MUC5AC: variants seen among roughly 807,000 people sequenced by gnomAD.
The protein encoded by MUC5AC is mucin-5AC.
Under a neutral mutation model 169.7 loss-of-function variants are expected in MUC5AC, and 158 were observed. The observed-to-expected ratio is 0.93, with a 90% CI of 0.82 to 1.06. MUC5AC has a LOEUF of 1.06. Ranked by LOEUF, MUC5AC falls within the 50% of genes least tolerant of loss-of-function variation. MUC5AC has a pLI of 0.00. For synonymous variants in MUC5AC, 1,975 were observed against 1,237.0 expected, an observed-to-expected ratio of 1.60 and a Z score of -12.52; for missense variants, 4,359 against 3,089.9, an observed-to-expected ratio of 1.41 and a Z score of -9.74.
rs1038367501 is a variant in MUC5AC at position 1,177,460 on chromosome 11, G to A, written c.2914G>A (p.Glu972Lys). Residue 972 changes from glutamate to lysine, a missense_variant, in exon 24 of 49, where the codon GAG (glutamate) becomes AAG (lysine). Glu to Lys is a moderately conservative substitution (Grantham distance 56, BLOSUM62 1). Coordinates refer to ENST00000621226, the MANE Select transcript of MUC5AC (RefSeq NM_001304359.2). ...KAIKIFLGGF[E>K]LKLSHGKVEV... ...GTGACCCCTTGCCATGCAGGGCTTCGAGCTGAAGCTAAGCCATGGGAAGGT... is the reference window on the plus strand; with the variant it reads ...GTGACCCCTTGCCATGCAGGGCTTCAAGCTGAAGCTAAGCCATGGGAAGGT... 5.0e-6 allele frequency: 2 copies of A among 399,066 alleles called. No homozygotes were observed. The highest frequency in any genetic ancestry group is 2.5e-4 in the South Asian group (2 of 7,864). 24.7% of individuals were successfully genotyped at this position (399,066 alleles called of 1,614,324 possible).
Position 1,187,883 on chromosome 11 carries a change from G to C in MUC5AC, c.9738G>C (p.Lys3246Asn), listed in dbSNP as rs1487727795. The change falls in exon 31 of 49, where the codon AAG (lysine) becomes AAC (asparagine). Residue 3246 changes from lysine (K) to asparagine (N), a missense_variant. Transcript: ENST00000621226. ...FPSPGPHGGD[K>N]ETYNNIIRSG... The stretch of plus-strand genomic sequence containing the variant: ...CCCCTGGACCCCACGGCGGGGACAA[G>C]GAAACCTACAACAACATCATCAGGA... 27 of 761,488 alleles carry C rather than the reference G, an allele frequency of 3.5e-5. No individual in the cohort carries two copies. The highest frequency in any genetic ancestry group is 6.3e-5 in the Non-Finnish European group (26 of 415,556). The allele number at this position is 761,488 out of a possible 1,614,324, so 47.2% of individuals were successfully genotyped here.
Position 1,186,063 on chromosome 11 carries a change from C to T in MUC5AC, c.7918C>T (p.Pro2640Ser), listed in dbSNP as rs1479421382. 1.2e-5 allele frequency: 9 copies of T among 741,788 alleles called. 1 individual carries two copies. The highest frequency in any genetic ancestry group is 3.6e-5 in the Admixed American group (2 of 55,336). The allele number at this position is 741,788 out of a possible 1,614,324, so 46.0% of individuals were successfully genotyped here. A position where few individuals can be genotyped will look rare whatever the true frequency, so the allele number is the denominator to read the frequency against. Residue 2640 changes from proline (P) to serine (S), a missense_variant, in exon 31 of 49, where the codon CCT becomes TCT. Physicochemically the swap from Pro to Ser is moderately conservative, Grantham distance 74 (BLOSUM62 -1). Transcript: ENST00000621226. ...TCCTGAAACTACTCCCAGCCCTGTTCCTACCGCCAGCACAACCTCTGCTTC... is the reference window on the plus strand; with the variant it reads ...TCCTGAAACTACTCCCAGCCCTGTTTCTACCGCCAGCACAACCTCTGCTTC... The part of the protein sequence containing the change: ...SGPETTPSPV[P>S]TASTTSASTT...
rs1861064206 is a variant in MUC5AC, at chr11:1,190,576, G to A, written c.12431G>A (p.Arg4144Lys). The A allele has an allele frequency of 8.6e-6, 6 of 696,076 alleles. No individual in the cohort carries two copies. Among genetic ancestry groups the A allele is most frequent in the Non-Finnish European group, 1.6e-5 (6 of 381,580 alleles). 43.1% of individuals were successfully genotyped at this position (696,076 alleles called of 1,614,324 possible). ...TTSTTSAPTHRTTSGPTTSTT... is the reference protein window; with the variant it reads ...TTSTTSAPTHKTTSGPTTSTT... ...AGCACGACCTCAGCTCCTACACACAGAACGACTTCTGGTCCTACAACCAGC... is the reference window on the plus strand; with the variant it reads ...AGCACGACCTCAGCTCCTACACACAAAACGACTTCTGGTCCTACAACCAGC... Residue 4144 changes from arginine (R) to lysine (K), a missense_variant, in exon 31 of 49, where the codon AGA becomes AAA. Transcript: ENST00000621226.
At position 1,163,900 on chromosome 11, in the gene MUC5AC, T is replaced by C. The variant is rs1181858965; in HGVS notation, c.698T>C (p.Met233Thr). The change falls in exon 7 of 49, where the codon ATG becomes ACG. Residue 233 changes from methionine (M) to threonine (T), a missense_variant. Transcript: ENST00000621226. ...GCCGCAGACACCAAGCTGACACCCA[T>C]GGAATTCGGGAACCTGCAGAAGATG... ...LLSHNTKLTP[M>T]EFGNLQKMDD... 2.1e-5 allele frequency: 33 copies of C among 1,609,082 alleles called. No individual in the cohort carries two copies. The highest frequency in any genetic ancestry group is 3.4e-5 in the Admixed American group (2 of 59,576).
intron 11 of MUC5AC, 90 bp from the exon 12 acceptor site, chr11:1,167,787 G>A (rs1860378318): frequency 4.5e-6 from 5 of 1,112,014 alleles, no homozygotes; most frequent in Non-Finnish European, 6.6e-6. Context: ...TTCTAGTGAG[G>A]GAGAGGAGCA....
chr11:1,194,394 G>T, intron 34 of MUC5AC, 34 bp downstream of exon 34: 1 of 709,320 alleles, frequency 1.4e-6, no homozygotes. Context: ...CGGAGGGGGT[G>T]GGGGACGCGG....
chr11:1,200,303 TGGTTGTC>T, intron 48 of MUC5AC, 128 bp from the exon 49 acceptor site: 2 of 600,456 alleles, frequency 3.3e-6, no homozygotes, highest in Non-Finnish European at 6.0e-6. Context: ...AAAGGAGAGC[TGGTTGTC>T]AGACACTGGC....
In MUC5AC at chr11:1,190,686, TCTACAACCAGCACAATCTCTGCCC is replaced by T; in HGVS notation, c.12562_12585del (p.Ala4188_Ser4195del). The T allele has an allele frequency of 3.1e-6, 2 of 644,068 alleles. No individual in the cohort carries two copies. The highest frequency in any genetic ancestry group is 2.2e-5 in the Admixed American group (1 of 44,472). 39.9% of individuals were successfully genotyped at this position (644,068 alleles called of 1,614,324 possible). ...TCCTACAACCAGCACAATCTCTGCC[TCTACAACCAGCACAATCTCTGCCC>T]CTACAACCAGCACAATCTCTTCCCC... On this transcript the variant is annotated inframe_deletion, in exon 31 of 49. Coordinates refer to ENST00000621226, the MANE Select transcript of MUC5AC (RefSeq NM_001304359.2).
At position 1,183,751 on chromosome 11, in the gene MUC5AC, C is replaced by T; in HGVS notation, c.5606C>T (p.Ser1869Phe). The T allele has an allele frequency of 2.0e-6, 1 of 489,204 alleles. No homozygotes were observed. Among genetic ancestry groups the T allele is most frequent in the South Asian group, 5.0e-5 (1 of 20,066 alleles). The allele number at this position is 489,204 out of a possible 1,614,324, so 30.3% of individuals were successfully genotyped here. The part of the protein sequence containing the change: ...SPAQTTPSTT[S>F]KTTETQASGS... ...GCCCAGACCACTCCTTCAACAACCT[C>T]CAAGACCACTGAAACCCAGGCCTCA... The change falls in exon 31 of 49, where the codon TCC becomes TTC. Residue 1869 changes from serine (S) to phenylalanine (F), a missense_variant. By Grantham distance (155) the Ser-to-Phe change is radical. Coordinates refer to ENST00000621226, the MANE Select transcript of MUC5AC (RefSeq NM_001304359.2).
In MUC5AC at chr11:1,169,001, C is replaced by T. The variant is rs774463828; in HGVS notation, c.1845C>T (p.Asp615=). The change falls in exon 15 of 49, where the codon GAC becomes GAT. Residue 615 remains aspartate (D), a synonymous_variant. Transcript: ENST00000621226. ...CCAACATCAGGAACAGCTTCGAGGA[C>T]CCCTGCTCTCTGAGCGTGGAGAATG... ...ACPNIRNSFE[D]PCSLSVENEK... is the part of the protein sequence containing the mutation. The T allele has an allele frequency of 2.5e-6, 4 of 1,600,452 alleles. No homozygotes were observed. Among genetic ancestry groups the T allele is most frequent in the Non-Finnish European group, 3.4e-6 (4 of 1,172,944 alleles).
intron 6 of MUC5AC, 34 bp from the exon 7 acceptor site, chr11:1,163,848 C>T (rs1231541699): frequency 6.5e-7 from 1 of 1,534,998 alleles, no homozygotes; most frequent in Admixed American, 1.9e-5. Flanking sequence ...GTACCGGGAC[C>T]TGCAGGCAGA....
rs1860701002 is a variant in MUC5AC, at chr11:1,176,921, C to A, written c.2655-7C>A. 5.0e-6 allele frequency: 2 copies of A among 396,442 alleles called. No homozygotes were observed. Among genetic ancestry groups the A allele is most frequent in the South Asian group, 1.3e-4 (1 of 7,872 alleles). The allele number at this position is 396,442 out of a possible 1,614,324, so 24.6% of individuals were successfully genotyped here. A position where few individuals can be genotyped will look rare whatever the true frequency, so the allele number is the denominator to read the frequency against. The stretch of plus-strand genomic sequence containing the variant: ...GTGCTCTAGCCTGACCCCCAGATGT[C>A]CCCCAGCACCTGTGACAGCAGGATG... On this transcript the variant is annotated splice_region_variant and splice_polypyrimidine_tract_variant and intron_variant, in intron 21 of 48. Transcript: ENST00000621226.
In MUC5AC at chr11:1,190,123, G is replaced by A. The variant is rs1412974386; in HGVS notation, c.11978G>A (p.Arg3993Gln). Residue 3993 changes from arginine to glutamine, a missense_variant, in exon 31 of 49, where the codon CGA becomes CAA. Transcript: ENST00000621226. ...IIRSGEKICR[R>Q]PEEITRLQCR... ...AGGAGTGGGGAAAAAATCTGCCGCC[G>A]ACCTGAGGAGATCACCAGGCTCCAG... 4.1e-5 allele frequency: 31 copies of A among 763,234 alleles called. No homozygotes were observed. The highest frequency in any genetic ancestry group is 1.4e-4 in the African/African-American group (8 of 59,174). The allele number at this position is 763,234 out of a possible 1,614,324, so 47.3% of individuals were successfully genotyped here.
intron 47 of MUC5AC, 42 bp from the exon 48 acceptor site, chr11:1,199,813 A>T (rs868760205): frequency 2.3e-5 from 17 of 740,894 alleles, no homozygotes; most frequent in Middle Eastern, 2.3e-4. Context: ...TCAGAGGTCT[A>T]GGAGCAGCTG....
rs751629842 is a variant in MUC5AC at position 1,191,935 on chromosome 11, C to A, written c.13790C>A (p.Pro4597His). 1.3e-6 allele frequency: 1 copy of A among 765,256 alleles called. No individual in the cohort carries two copies. The highest frequency in any genetic ancestry group is 2.3e-4 in the Middle Eastern group (1 of 4,440). 47.4% of individuals were successfully genotyped at this position (765,256 alleles called of 1,614,324 possible). A position where few individuals can be genotyped will look rare whatever the true frequency, so the allele number is the denominator to read the frequency against. ...SGPGTTPSPV[P>H]TTSTTPVSKT... ...CCTGGAACTACTCCCAGCCCCGTTCCCACCACCAGCACAACCCCTGTTTCA... is the reference window on the plus strand; with the variant it reads ...CCTGGAACTACTCCCAGCCCCGTTCACACCACCAGCACAACCCCTGTTTCA... The change falls in exon 31 of 49, where the codon CCC becomes CAC. Residue 4597 changes from proline to histidine, a missense_variant. Coordinates refer to ENST00000621226, the MANE Select transcript of MUC5AC (RefSeq NM_001304359.2).
Position 1,189,878 on chromosome 11 carries a change from A to G in MUC5AC, c.11733A>G (p.Thr3911=). ...AAACCTCAGCTGCTACAAGCAGCAC[A>G]ACCTCCGGTTCTGGAACTACTCCCA... ...TSKTSAATSS[T]TSGSGTTPSP... The change falls in exon 31 of 49, where the codon ACA becomes ACG. Residue 3911 remains threonine, a synonymous_variant. Coordinates refer to ENST00000621226, the MANE Select transcript of MUC5AC (RefSeq NM_001304359.2). The G allele has an allele frequency of 1.3e-6, 1 of 764,876 alleles. No individual in the cohort carries two copies. The highest frequency in any genetic ancestry group is 1.3e-5 in the South Asian group (1 of 74,592). The allele number at this position is 764,876 out of a possible 1,614,324, so 47.4% of individuals were successfully genotyped here. A position where few individuals can be genotyped will look rare whatever the true frequency, so the allele number is the denominator to read the frequency against.
In MUC5AC at chr11:1,189,081, C is replaced by G. The variant is rs1406946686; in HGVS notation, c.10936C>G (p.Gln3646Glu). ...TPSGRATSPTQSTSSWQKSRT... is the reference protein window; with the variant it reads ...TPSGRATSPTESTSSWQKSRT... ...TAGTGGGAGAGCCACCAGCCCAACT[C>G]AGAGCACCTCCTCTTGGCAGAAATC... The change falls in exon 31 of 49, where the codon CAG becomes GAG. Residue 3646 changes from glutamine to glutamate, a missense_variant. Physicochemically the swap from Gln to Glu is conservative, Grantham distance 29. Coordinates refer to ENST00000621226, the MANE Select transcript of MUC5AC (RefSeq NM_001304359.2). The G allele has an allele frequency of 3.2e-6, 2 of 621,470 alleles. No homozygotes were observed. Among genetic ancestry groups the G allele is most frequent in the African/African-American group, 3.7e-5 (2 of 54,774 alleles). 38.5% of individuals were successfully genotyped at this position (621,470 alleles called of 1,614,324 possible). A position where few individuals can be genotyped will look rare whatever the true frequency, so the allele number is the denominator to read the frequency against.
intron 1 of MUC5AC, among the ~76,000 whole-genome samples, chr11:1,159,448 T>TC (rs1421187383): frequency 8.4e-6 from 1 of 118,434 alleles, no homozygotes. Context: ...GGGGGTCTGG[T>TC]CCCCCCATGC....
intron 12 of MUC5AC, 43 bp downstream of exon 12, chr11:1,168,030 G>A: frequency 6.7e-7 from 1 of 1,494,948 alleles, no homozygotes; most frequent in Non-Finnish European, 9.1e-7. Flanking sequence ...AGAGGGAAGG[G>A]GCCTGTCTCT....
Sources: allele counts gnomAD v4.1 joint callset (sites outside exome capture counted in the v4.1 genomes callset), GRCh38; gene constraint gnomAD v4.1.1; transcripts MANE v1.5; gene names NCBI Gene and HGNC (gene_info 2026-07-23, HGNC 2026-07-21).